TAF2: variants seen among roughly 807,000 people sequenced by gnomAD.
The protein encoded by TAF2 is transcription initiation factor TFIID subunit 2.
Under a neutral mutation model 138.5 loss-of-function variants are expected in TAF2, and 61 were observed. That is an observed-to-expected ratio of 0.44 (90% CI 0.36 to 0.54). TAF2 has a LOEUF of 0.54. Among genes scored for constraint, TAF2 ranks in the 20% least tolerant of loss-of-function variants. The pLI is 0.00. For missense variants in TAF2, 1,090 were observed against 1,427.9 expected (o/e 0.76, Z 3.81); for synonymous variants, 475 against 469.9 (o/e 1.01, Z -0.14).
At chr8:119,780,934 CAAAAAAAAAAA>C in intron 17 of TAF2, 108 bp downstream of exon 17, 2 of 715,760 alleles carry the variant, frequency 2.8e-6, no homozygotes, top group Non-Finnish European at 3.9e-6. Flanking sequence ...GACTCTGTCT[CAAAAAAAAAAA>C]AAAAAAAGAA....
At chr8:119,785,470 T>C (rs1160442266) in intron 14 of TAF2, among the ~76,000 whole-genome samples, 2 of 152,182 alleles carry the variant, frequency 1.3e-5, no homozygotes, top group Admixed American at 6.5e-5. Context: ...CATCAAATTA[T>C]TTTCCTGATC....
intron 16 of TAF2, among the ~76,000 whole-genome samples, chr8:119,783,096 C>T (rs1024164950): frequency 2.0e-5 from 3 of 152,150 alleles, no homozygotes; most frequent in Admixed American, 6.5e-5. Flanking sequence ...ATATATTCTT[C>T]GCTTTAAAAA....
intron 25 of TAF2, among the ~76,000 whole-genome samples, chr8:119,733,656 T>C (rs1819028546): frequency 6.6e-6 from 1 of 152,192 alleles, no homozygotes. Context: ...TCTCTATATT[T>C]ATAGGTTAAT....
intron 3 of TAF2, among the ~76,000 whole-genome samples, chr8:119,815,491 G>A (rs1175055640): frequency 6.6e-6 from 1 of 151,772 alleles, no homozygotes; most frequent in Non-Finnish European, 1.5e-5. Flanking sequence ...AGCCAGGATG[G>A]TCTCGATCCC....
chr8:119,731,840 C>A lies in TAF2; in HGVS notation c.*84G>T. 7.4e-6 allele frequency: 10 copies of A among 1,354,302 alleles called. No individual in the cohort carries two copies. The South Asian group carries it at 9.5e-5, about 13-fold the overall frequency. 83.9% of individuals were successfully genotyped at this position (1,354,302 alleles called of 1,614,324 possible). ...GGAGAGGCGAATCCTTTCCCCCCTC[C>A]CTTTTATAATTCTTCACAGAGGACA... On this transcript the variant is annotated 3_prime_UTR_variant, in exon 26 of 26. Coordinates refer to ENST00000378164, the MANE Select transcript of TAF2 (RefSeq NM_003184.4).
chr8:119,757,773 G>A (rs1429669854), intron 21 of TAF2, among the ~76,000 whole-genome samples: 4 of 152,008 alleles, frequency 2.6e-5, no homozygotes, highest in Non-Finnish European at 5.9e-5. Context: ...GCGCATGCCT[G>A]TAATCCCAGC....
At chr8:119,829,154 C>T (rs999962855) in intron 2 of TAF2, among the ~76,000 whole-genome samples, 6 of 152,186 alleles carry the variant, frequency 3.9e-5, no homozygotes, top group African/African-American at 1.4e-4. Flanking sequence ...GATCTGCTCT[C>T]TACCCTACTC....
chr8:119,773,751 C>A lies in TAF2; in HGVS notation c.2364+4268G>T, dbSNP rs115908882. 6.5e-3 allele frequency among the ~76,000 whole-genome samples: 984 copies of A among 151,752 alleles called. 18 individuals are homozygous for A. The highest frequency in any genetic ancestry group is 0.023 in the African/African-American group (940 of 41,558). On this transcript the variant is annotated intron_variant, in intron 18 of 25. Coordinates refer to ENST00000378164, the MANE Select transcript of TAF2 (RefSeq NM_003184.4). ...GTTCTTTCACCTCAACAACTTACAG[C>A]TCTCTCTAGATTCAACCTTTCCCAG...
intron 2 of TAF2, among the ~76,000 whole-genome samples, chr8:119,829,568 T>C (rs1461574874): frequency 2.0e-5 from 3 of 151,980 alleles, no homozygotes; most frequent in South Asian, 2.1e-4. Context: ...TATATATATA[T>C]ACACATACAT....
chr8:119,789,991 A>G (rs1180699204), intron 11 of TAF2, among the ~76,000 whole-genome samples: 1 of 152,064 alleles, frequency 6.6e-6, no homozygotes. Context: ...TAATATTAAG[A>G]ATTATAGTAA....
rs758340795 is a variant in TAF2, at chr8:119,732,118, T to C, written c.3406A>G (p.Lys1136Glu). The C allele has an allele frequency of 3.7e-6, 6 of 1,614,186 alleles. No homozygotes were observed. The South Asian group carries it at 5.5e-5, about 15-fold the overall frequency. Residue 1136 changes from lysine to glutamate, a missense_variant, in exon 26 of 26, where the codon AAG becomes GAG. Lys to Glu is a moderately conservative substitution (Grantham distance 56, BLOSUM62 1). This residue lies in a region of TAF2 where 580 missense variants were observed against 719.6 expected (regional missense o/e 0.81). Transcript: ENST00000378164. ...CTGTGTTTGGAGGCTGTAGATTCCT[T>C]AGTAAAGACTGAGAGTGGAGCGCTT... ...AASAPLSVFTKESTASKHSDH... is the reference protein window; with the variant it reads ...AASAPLSVFTEESTASKHSDH...
intron 23 of TAF2, chr8:119,745,087 T>C: frequency 2.2e-6 from 1 of 453,988 alleles, no homozygotes; most frequent in South Asian, 1.6e-5. Context: ...GAGTAGCTCA[T>C]ATTATAGCTG....
In TAF2 at chr8:119,781,061, G is replaced by A; in HGVS notation, c.2245C>T (p.Leu749=). The A allele has an allele frequency of 6.2e-7, 1 of 1,612,410 alleles. No homozygotes were observed. Among genetic ancestry groups the A allele is most frequent in the Non-Finnish European group, 8.5e-7 (1 of 1,179,646 alleles). Residue 749 remains leucine, a synonymous_variant, in exon 17 of 26, where the codon CTA becomes TTA. Coordinates refer to ENST00000378164, the MANE Select transcript of TAF2 (RefSeq NM_003184.4). ...TAGAAAGTAAACTGTACCTTCTGTA[G>A]AAAATAGCTTTGAAAGCTCATAAAG... ...NNFMSFQSYF[L]QKTMPVAMAL... is the part of the protein sequence containing the mutation.
chr8:119,794,553 T>C (rs971156567), intron 9 of TAF2, among the ~76,000 whole-genome samples: 3 of 152,240 alleles, frequency 2.0e-5, no homozygotes, highest in Non-Finnish European at 2.9e-5. Flanking sequence ...TACTACTTAC[T>C]AGCTGTATAC....
chr8:119,801,126 C>A (rs1025859973), intron 6 of TAF2, among the ~76,000 whole-genome samples: 3 of 152,008 alleles, frequency 2.0e-5, no homozygotes, highest in Admixed American at 6.6e-5. Context: ...TTTGAATTTA[C>A]AATATTTTAG....
At chr8:119,829,855 T>C (rs1586561497) in intron 2 of TAF2, among the ~76,000 whole-genome samples, 1 of 151,382 alleles carries the variant, frequency 6.6e-6, no homozygotes, top group Admixed American at 6.6e-5. Context: ...TCCATTCTTT[T>C]TTTAGTTTTT....
At chr8:119,787,070 A>G (rs1823064769) in intron 14 of TAF2, among the ~76,000 whole-genome samples, 2 of 152,202 alleles carry the variant, frequency 1.3e-5, no homozygotes, top group African/African-American at 4.8e-5. Flanking sequence ...TAATGAAACT[A>G]AAGAGTTTCT....
At chr8:119,815,271 G>A (rs575877993) in intron 3 of TAF2, among the ~76,000 whole-genome samples, 2 of 151,812 alleles carry the variant, frequency 1.3e-5, no homozygotes, top group East Asian at 2.0e-4. Context: ...GACAGAGCGG[G>A]ACTTGGTCTT....
intron 5 of TAF2, among the ~76,000 whole-genome samples, chr8:119,803,412 C>T (rs72688301): frequency 3.3e-5 from 5 of 152,126 alleles, no homozygotes; most frequent in African/African-American, 4.8e-5. Context: ...GAGGAGGGGT[C>T]GGGCATGGTG....
Sources: gnomAD v4.1 joint callset for allele counts (sites outside exome capture counted in the v4.1 genomes callset) on GRCh38, gnomAD v4.1.1 for gene constraint, gnomAD v4.1.1 regional missense constraint, MANE v1.5 for transcripts, NCBI Gene and HGNC (gene_info 2026-07-23, HGNC 2026-07-21) for gene names.